The following PCBP3 variants were observed in gnomAD, a reference collection of about 807,000 sequenced individuals.
PCBP3 encodes the protein poly(rC)-binding protein 3.
PCBP3 carries 25 observed loss-of-function variants against 52.7 expected under a neutral mutation model. That is an observed-to-expected ratio of 0.47 (90% confidence interval 0.35 to 0.66). PCBP3 has a LOEUF of 0.66. Among genes scored for constraint, PCBP3 ranks in the 30% least tolerant of loss-of-function variants. The pLI is 0.01. For missense variants in PCBP3, 391 were observed against 490.3 expected, an observed-to-expected ratio of 0.80 and a Z score of 1.91; for synonymous variants, 162 against 183.0, an observed-to-expected ratio of 0.89 and a Z score of 0.93.
chr21:45,887,665 G>A (rs780448395), intron 5 of PCBP3, among the ~76,000 whole-genome samples: 9 of 152,300 alleles, frequency 5.9e-5, no homozygotes, highest in Admixed American at 1.3e-4. Flanking sequence ...TCGCCATTCC[G>A]GGCACCTACT....
intron 2 of PCBP3, among the ~76,000 whole-genome samples, chr21:45,682,395 C>T (rs1022587231): frequency 1.3e-5 from 2 of 152,166 alleles, no homozygotes; most frequent in African/African-American, 4.8e-5. Flanking sequence ...AGCACATCTA[C>T]TCCATCTTCC....
At chr21:45,901,707 A>AAGAGAGAGAG (rs1569474547) in intron 9 of PCBP3, 2 of 131,400 alleles carry the variant, frequency 1.5e-5, no homozygotes. Flanking sequence ...GAGAGAGAGG[A>AAGAGAGAGAG]AGACAGAGAG....
At position 45,917,449 on chromosome 21, in the gene PCBP3, C is replaced by G; in HGVS notation, c.676-139C>G. The G allele has an allele frequency of 1.8e-6, 1 of 557,556 alleles. No homozygotes were observed. Among genetic ancestry groups the G allele is most frequent in the Non-Finnish European group, 3.2e-6 (1 of 309,354 alleles). 34.5% of individuals were successfully genotyped at this position (557,556 alleles called of 1,614,324 possible). A position where few individuals can be genotyped will look rare whatever the true frequency, so the allele number is the denominator to read the frequency against. On this transcript the variant is annotated intron_variant, in intron 12 of 17. Coordinates refer to ENST00000681687, the MANE Select transcript of PCBP3 (RefSeq NM_001384156.1). The surrounding 1 kb of genome is among the most constrained non-coding windows in gnomAD (Gnocchi z 5.3). The stretch of plus-strand genomic sequence containing the variant: ...TGCCCTGGGAGGGTTGGCCCTTTGT[C>G]CTAGGATGGGGACAGGTGGAGAGGC...
chr21:45,726,786 A>G (rs970030761), intron 2 of PCBP3, among the ~76,000 whole-genome samples: 2 of 152,162 alleles, frequency 1.3e-5, no homozygotes, highest in Non-Finnish European at 1.5e-5. Context: ...TCCTGGCCAG[A>G]TCGTCTTTTC....
chr21:45,891,772 G>T lies in PCBP3; in HGVS notation c.11-4436G>T, dbSNP rs9974432. On this transcript the variant is annotated intron_variant, in intron 5 of 17. Coordinates refer to ENST00000681687, the MANE Select transcript of PCBP3 (RefSeq NM_001384156.1). ...ACACGCAAGGTTAAACGGTGAGTCGGTCTGTGCCACTGCACGGGGCCATCA... is the reference window on the plus strand; with the variant it reads ...ACACGCAAGGTTAAACGGTGAGTCGTTCTGTGCCACTGCACGGGGCCATCA... Among the ~76,000 whole-genome samples the T allele has an allele frequency of 3.1e-3, 473 of 152,330 alleles. 1 individual carries two copies. The highest frequency in any genetic ancestry group is 0.011 in the African/African-American group (446 of 41,562).
chr21:45,837,570 G>C lies in PCBP3; in HGVS notation c.-125-12391G>C, dbSNP rs538897460. On this transcript the variant is annotated intron_variant, in intron 4 of 17. Transcript: ENST00000681687. This position sits in a 1 kb window ranked among gnomAD's most constrained non-coding sequence, Gnocchi z 4.1. ...GTAGCCCTGGGTTGTCTGCCTCTTG[G>C]GGGTAGCGGCTGTGTGGAATGCCTG... Among the ~76,000 whole-genome samples the C allele has an allele frequency of 4.6e-5, 7 of 152,316 alleles. No individual in the cohort carries two copies. The highest frequency in any genetic ancestry group is 1.9e-4 in the East Asian group (1 of 5,184).
rs1198011102 is a variant in PCBP3, at chr21:45,868,423, TTTTTTTTTTA to T, written c.10+18329_10+18338del. On this transcript the variant is annotated intron_variant, in intron 5 of 17. Transcript: ENST00000681687. The stretch of plus-strand genomic sequence containing the variant: ...TGACTTATTTGTTCTTTTTTTTTTT[TTTTTTTTTTA>T]AATAAAGGATTCCGATGCTGTTACA... 1.9e-3 allele frequency among the ~76,000 whole-genome samples: 237 copies of T among 121,778 alleles called. 3 individuals are homozygous for T. Among genetic ancestry groups the T allele is most frequent in the African/African-American group, 6.1e-3 (218 of 36,000 alleles). The allele number at this position is 121,778 out of a possible 152,430, so 79.9% of individuals were successfully genotyped here. A position where few individuals can be genotyped will look rare whatever the true frequency, so the allele number is the denominator to read the frequency against.
chr21:45,667,075 G>GTTCGTTCTTTCTTTCTTTCT (rs1357637647), intron 1 of PCBP3, among the ~76,000 whole-genome samples: 154 of 147,664 alleles, frequency 1.0e-3, no homozygotes, highest in African/African-American at 3.7e-3. Flanking sequence ...GCATCTGTTT[G>GTTCGTTCTTTCTTTCTTTCT]TTCTTTCTTT....
At chr21:45,834,298 G>A (rs952776232) in intron 4 of PCBP3, among the ~76,000 whole-genome samples, 11 of 152,348 alleles carry the variant, frequency 7.2e-5, no homozygotes, top group Admixed American at 1.3e-4. Context: ...CCGTCAGAGC[G>A]CCCTCCGACC....
intron 5 of PCBP3, among the ~76,000 whole-genome samples, chr21:45,876,576 C>G (rs1457209084): frequency 6.6e-6 from 1 of 152,200 alleles, no homozygotes; most frequent in East Asian, 1.9e-4. Context: ...CCGCCTGTGA[C>G]AGGCAGGAGC....
chr21:45,711,136 A>G (rs2083805149), intron 2 of PCBP3, among the ~76,000 whole-genome samples: 1 of 152,216 alleles, frequency 6.6e-6, no homozygotes, highest in Non-Finnish European at 1.5e-5. Flanking sequence ...TTATTGGAGA[A>G]TAATATAAGA....
chr21:45,695,501 T>A (rs1341393655), intron 2 of PCBP3, among the ~76,000 whole-genome samples: 1 of 152,220 alleles, frequency 6.6e-6, no homozygotes, highest in Non-Finnish European at 1.5e-5. Flanking sequence ...CCATGCCCTC[T>A]GTAACAATGC....
chr21:45,684,360 AAG>A (rs547507004), intron 2 of PCBP3, among the ~76,000 whole-genome samples: 1 of 152,204 alleles, frequency 6.6e-6, no homozygotes, highest in Non-Finnish European at 1.5e-5. Context: ...ATTAACTCAT[AAG>A]AGAGATAGAG....
chr21:45,874,900 C>T (rs1445776461), intron 5 of PCBP3, among the ~76,000 whole-genome samples: 2 of 152,174 alleles, frequency 1.3e-5, no homozygotes, highest in Non-Finnish European at 2.9e-5. Context: ...GTGTCACCAG[C>T]TCTGGAGTGG....
chr21:45,797,578 T>C (rs927652241), intron 4 of PCBP3, among the ~76,000 whole-genome samples: 5 of 144,088 alleles, frequency 3.5e-5, no homozygotes, highest in African/African-American at 1.3e-4. Context: ...GAGAGAGTGA[T>C]TGTGTGCATG....
At chr21:45,851,189 G>A (rs1030683248) in intron 5 of PCBP3, among the ~76,000 whole-genome samples, 2 of 152,230 alleles carry the variant, frequency 1.3e-5, no homozygotes, top group Admixed American at 6.5e-5. Context: ...GCTGTTTTGT[G>A]TTTTAGAGTC....
At chr21:45,738,558 GT>G (rs1406913372) in intron 3 of PCBP3, among the ~76,000 whole-genome samples, 3 of 152,164 alleles carry the variant, frequency 2.0e-5, no homozygotes, top group Admixed American at 6.5e-5. Flanking sequence ...CTGGCCTAGA[GT>G]TTTTTGCTTT....
chr21:45,910,016 CCT>C (rs2096329156), intron 10 of PCBP3, among the ~76,000 whole-genome samples: 3 of 40,376 alleles, frequency 7.4e-5, no homozygotes, highest in African/African-American at 2.2e-4. Flanking sequence ...CAAATATGGA[CCT>C]GGCCCACCCA....
At chr21:45,832,848 G>A (rs2093485581) in intron 4 of PCBP3, among the ~76,000 whole-genome samples, 2 of 152,200 alleles carry the variant, frequency 1.3e-5, no homozygotes, top group South Asian at 4.1e-4. Flanking sequence ...AGAAGCCAAA[G>A]GGGAAGCAAG....
Sources: gnomAD v4.1 joint callset for allele counts (sites outside exome capture counted in the v4.1 genomes callset) on GRCh38, gnomAD v4.1.1 for gene constraint, Gnocchi (gnomAD v3.1) non-coding constraint, MANE v1.5 for transcripts, NCBI Gene and HGNC (gene_info 2026-07-23, HGNC 2026-07-21) for gene names.